Variants in PCDHGA1 observed in about 807,000 individuals in gnomAD.
The protein encoded by PCDHGA1 is protocadherin gamma-A1.
PCDHGA1 carries 32 observed loss-of-function variants against 58.0 expected under a neutral mutation model. The observed-to-expected ratio is 0.55, with a 90% CI of 0.42 to 0.74. The LOEUF (loss-of-function observed/expected upper bound fraction) is 0.74, where lower values mean the gene tolerates loss of function less well. PCDHGA1 is among the 30% of genes least tolerant of loss of function. The pLI is 0.00. For synonymous variants in PCDHGA1, 498 were observed against 501.1 expected (o/e 0.99, Z 0.08); for missense variants, 1,205 against 1,182.3 (o/e 1.02, Z -0.28).
chr5:141,511,359 T>C lies in PCDHGA1; in HGVS notation c.*186T>C. The stretch of plus-strand genomic sequence containing the variant: ...CACCTACCCCTTCCCCCCCAGGGGG[T>C]TGAATATGCAAAAGCAGTTCCGCTG... On this transcript the variant is annotated 3_prime_UTR_variant, in exon 4 of 4. Coordinates refer to ENST00000517417, the MANE Select transcript of PCDHGA1 (RefSeq NM_018912.3). The C allele has an allele frequency of 2.2e-6, 3 of 1,339,338 alleles. No homozygotes were observed. In the South Asian group the frequency reaches 4.6e-5, roughly 20 times the overall value. The allele number at this position is 1,339,338 out of a possible 1,614,324, so 83.0% of individuals were successfully genotyped here. A position where few individuals can be genotyped will look rare whatever the true frequency, so the allele number is the denominator to read the frequency against.
At chr5:141,488,083 C>T (rs917074240) in intron 1 of PCDHGA1, among the ~76,000 whole-genome samples, 1 of 152,152 alleles carries the variant, frequency 6.6e-6, no homozygotes, top group African/African-American at 2.4e-5. Context: ...GTATCTAGTA[C>T]ACTGTGAAGG....
intron 1 of PCDHGA1, chr5:141,360,416 A>G: frequency 6.2e-7 from 1 of 1,614,014 alleles, no homozygotes; most frequent in Non-Finnish European, 8.5e-7. Context: ...GACCGAGAAC[A>G]GATATGCGGG....
chr5:141,419,890 C>T (rs775698934), intron 1 of PCDHGA1: 3 of 1,614,102 alleles, frequency 1.9e-6, no homozygotes, highest in Non-Finnish European at 2.5e-6. Flanking sequence ...ATTTCAGCGA[C>T]CATCCCACAC....
intron 1 of PCDHGA1, among the ~76,000 whole-genome samples, chr5:141,358,637 A>C (rs1422577510): frequency 6.6e-6 from 1 of 152,218 alleles, no homozygotes; most frequent in Non-Finnish European, 1.5e-5. Context: ...TCAGTCATAT[A>C]TAAGTAGATT....
chr5:141,384,237 C>T, intron 1 of PCDHGA1: 2 of 1,613,888 alleles, frequency 1.2e-6, no homozygotes, highest in East Asian at 2.2e-5. Flanking sequence ...CAGACACCAA[C>T]GATAACCCAC....
chr5:141,348,420 A>G (rs557706191), intron 1 of PCDHGA1, among the ~76,000 whole-genome samples: 3 of 152,358 alleles, frequency 2.0e-5, no homozygotes, highest in South Asian at 2.1e-4. Flanking sequence ...AAAGGCACGT[A>G]ACTTTTAACA....
chr5:141,432,128 T>C lies in PCDHGA1; in HGVS notation c.2422-62679T>C. 3 of 1,614,080 alleles carry C rather than the reference T, an allele frequency of 1.9e-6. No homozygotes were observed. Among genetic ancestry groups the C allele is most frequent in the Non-Finnish European group, 2.5e-6 (3 of 1,180,016 alleles). On this transcript the variant is annotated intron_variant, in intron 1 of 3. Coordinates refer to ENST00000517417, the MANE Select transcript of PCDHGA1 (RefSeq NM_018912.3). This position sits in a 1 kb window ranked among gnomAD's most constrained non-coding sequence, Gnocchi z 6.0. ...CCCGCCGGTCTTCCCTCAGGCCTCC[T>C]ATTCCGCTTATATCCCAGAGAACAA... is the stretch of plus-strand genomic sequence containing the variant.
Position 141,490,920 on chromosome 5 carries a change from T to A in PCDHGA1, c.2422-3887T>A. 1.2e-6 allele frequency: 2 copies of A among 1,613,638 alleles called. No homozygotes were observed. The highest frequency in any genetic ancestry group is 1.7e-6 in the Non-Finnish European group (2 of 1,179,684). The stretch of plus-strand genomic sequence containing the variant: ...TGTTTGTCCTAGACGAGAATGATAA[T>A]GCCCCAGCTGTGCTGCACCCACGGC... On this transcript the variant is annotated intron_variant, in intron 1 of 3. Coordinates refer to ENST00000517417, the MANE Select transcript of PCDHGA1 (RefSeq NM_018912.3). This position sits in a 1 kb window ranked among gnomAD's most constrained non-coding sequence, Gnocchi z 5.4.
At chr5:141,360,595 C>T (rs972371698) in intron 1 of PCDHGA1, 2 of 1,614,020 alleles carry the variant, frequency 1.2e-6, no homozygotes, top group African/African-American at 1.3e-5. Context: ...AACATTTCCA[C>T]TTGACCCAGC....
chr5:141,399,850 C>T (rs768366007), intron 1 of PCDHGA1: 1 of 1,612,946 alleles, frequency 6.2e-7, no homozygotes, highest in Non-Finnish European at 8.5e-7. Flanking sequence ...CGATATGGTG[C>T]CGCGCGCTGC....
At chr5:141,360,262 A>G in intron 1 of PCDHGA1, 1 of 1,613,978 alleles carries the variant, frequency 6.2e-7, no homozygotes, top group Non-Finnish European at 8.5e-7. Context: ...GGAGCTGGCC[A>G]AAAACTCGGT....
chr5:141,393,360 C>T, intron 1 of PCDHGA1: 1 of 1,613,968 alleles, frequency 6.2e-7, no homozygotes, highest in Non-Finnish European at 8.5e-7. Flanking sequence ...CCTGGACGTG[C>T]AGACTGGAGA....
At chr5:141,383,843 A>T in intron 1 of PCDHGA1, 1 of 1,613,970 alleles carries the variant, frequency 6.2e-7, no homozygotes, top group Non-Finnish European at 8.5e-7. Context: ...ACTGCCTTCT[A>T]TGAAATGGAG....
intron 3 of PCDHGA1, chr5:141,507,418 A>T (rs2099860509): frequency 6.6e-6 from 1 of 152,204 alleles, no homozygotes; most frequent in Non-Finnish European, 1.5e-5. Context: ...CTGTGAGGTT[A>T]AGTGGGGCCA....
chr5:141,490,051 G>T lies in PCDHGA1; in HGVS notation c.2422-4756G>T, dbSNP rs779280988. On this transcript the variant is annotated intron_variant, in intron 1 of 3. Coordinates refer to ENST00000517417, the MANE Select transcript of PCDHGA1 (RefSeq NM_018912.3). The surrounding 1 kb of genome is among the most constrained non-coding windows in gnomAD (Gnocchi z 5.4). ...CCGCCTCAATGCCACTGATCCAGACGAGGGCACCAACGGCCAACTAGACTA... is the reference window on the plus strand; with the variant it reads ...CCGCCTCAATGCCACTGATCCAGACTAGGGCACCAACGGCCAACTAGACTA... 3 of 1,614,214 alleles carry T rather than the reference G, an allele frequency of 1.9e-6. No homozygotes were observed. The Middle Eastern group carries it at 4.9e-4, about 266-fold the overall frequency.
chr5:141,496,160 G>C (rs1428576442), intron 2 of PCDHGA1, among the ~76,000 whole-genome samples: 2 of 151,600 alleles, frequency 1.3e-5, no homozygotes, highest in Admixed American at 6.6e-5. Flanking sequence ...CTCTCCACCA[G>C]ACACCCTCCC....
chr5:141,361,548 C>G (rs374369531), intron 1 of PCDHGA1: 3 of 1,613,976 alleles, frequency 1.9e-6, no homozygotes, highest in Non-Finnish European at 2.5e-6. Flanking sequence ...GCGCCTCTAT[C>G]GCTCAAATCA....
intron 1 of PCDHGA1, among the ~76,000 whole-genome samples, chr5:141,349,778 G>A (rs1758348917): frequency 6.6e-6 from 1 of 152,024 alleles, no homozygotes; most frequent in South Asian, 2.1e-4. Context: ...TAAATATAGT[G>A]AAATCACTGA....
At chr5:141,365,565 G>C (rs140294664) in intron 1 of PCDHGA1, 1 of 1,613,720 alleles carries the variant, frequency 6.2e-7, no homozygotes, top group Non-Finnish European at 8.5e-7. Flanking sequence ...GACCTGGACA[G>C]AGAAGAGACT....
Sources: allele counts gnomAD v4.1 joint callset (sites outside exome capture counted in the v4.1 genomes callset), GRCh38; gene constraint gnomAD v4.1.1; non-coding constraint Gnocchi (gnomAD v3.1); transcripts MANE v1.5; gene names NCBI Gene and HGNC (gene_info 2026-07-23, HGNC 2026-07-21).